Variants in MTUS2 observed in about 807,000 individuals in gnomAD.
The protein encoded by MTUS2 is microtubule associated scaffold protein 2.
MTUS2 carries 40 observed loss-of-function variants against 114.1 expected under a neutral mutation model. The ratio of observed to expected loss-of-function variants is 0.35; its 90% CI spans 0.27 to 0.46. The LOEUF is 0.46. Among genes scored for constraint, MTUS2 ranks in the 20% least tolerant of loss-of-function variants. The pLI, the probability that MTUS2 is intolerant of heterozygous loss-of-function variation, is 1.00. For synonymous variants in MTUS2, 688 were observed against 672.0 expected, an observed-to-expected ratio of 1.02 and a Z score of -0.37; for missense variants, 1,679 against 1,705.4, an observed-to-expected ratio of 0.98 and a Z score of 0.27.
chr13:28,937,084 C>G (rs1003366837), intron 2 of MTUS2, among the ~76,000 whole-genome samples: 1 of 152,068 alleles, frequency 6.6e-6, no homozygotes, highest in Admixed American at 6.6e-5. Flanking sequence ...CAGTGATGCT[C>G]AGAAGGAGGA....
chr13:29,000,008 T>A (rs1885311345), intron 2 of MTUS2, among the ~76,000 whole-genome samples: 1 of 152,256 alleles, frequency 6.6e-6, no homozygotes, highest in African/African-American at 2.4e-5. Context: ...ACATTTTCTG[T>A]ATCCATTTAT....
At chr13:29,267,706 C>G (rs1319128715) in intron 5 of MTUS2, among the ~76,000 whole-genome samples, 1 of 151,968 alleles carries the variant, frequency 6.6e-6, no homozygotes, top group African/African-American at 2.4e-5. Context: ...GTTGATATCA[C>G]GAGATCTAAG....
chr13:29,270,101 A>G (rs1897824497), intron 5 of MTUS2, among the ~76,000 whole-genome samples: 1 of 152,184 alleles, frequency 6.6e-6, no homozygotes, highest in African/African-American at 2.4e-5. Flanking sequence ...AGTTTCATGT[A>G]TGCAGCATGA....
At chr13:28,991,058 A>G (rs1373218042) in intron 2 of MTUS2, among the ~76,000 whole-genome samples, 1 of 151,926 alleles carries the variant, frequency 6.6e-6, no homozygotes, top group Non-Finnish European at 1.5e-5. Context: ...CACTTAGCAG[A>G]GAACTGTCGT....
chr13:29,285,603 C>T (rs189416446), intron 6 of MTUS2, among the ~76,000 whole-genome samples: 2 of 152,232 alleles, frequency 1.3e-5, no homozygotes, highest in African/African-American at 2.4e-5. Context: ...CAGAGAAGCA[C>T]GTTAAAAACA....
chr13:29,278,448 A>G lies in MTUS2; in HGVS notation c.2645-3256A>G, dbSNP rs150615135. On this transcript the variant is annotated intron_variant, in intron 5 of 15. Transcript: ENST00000612955. ...ATTATTTAAAGAAGTAAGGCTAACCACCTCAATTATGGGCAAAAGTTATGA... is the reference window on the plus strand; with the variant it reads ...ATTATTTAAAGAAGTAAGGCTAACCGCCTCAATTATGGGCAAAAGTTATGA... Among the ~76,000 whole-genome samples the G allele has an allele frequency of 1.6e-3, 246 of 152,308 alleles. 1 individual carries two copies. The highest frequency in any genetic ancestry group is 5.8e-3 in the African/African-American group (240 of 41,556).
At chr13:29,014,842 G>A (rs150559500) in intron 2 of MTUS2, among the ~76,000 whole-genome samples, 14 of 152,340 alleles carry the variant, frequency 9.2e-5, no homozygotes, top group African/African-American at 1.2e-4. Context: ...TCGCTGCCAC[G>A]TACAGGGAGA....
At chr13:29,245,539 C>T (rs1896888967) in intron 5 of MTUS2, among the ~76,000 whole-genome samples, 1 of 152,182 alleles carries the variant, frequency 6.6e-6, no homozygotes. Flanking sequence ...CTCCTTCCAT[C>T]CTTATAACTC....
chr13:29,221,418 A>C lies in MTUS2; in HGVS notation c.2645-60286A>C, dbSNP rs574990882. Among the ~76,000 whole-genome samples, 38 of 152,348 alleles carry C rather than the reference A, an allele frequency of 2.5e-4. 1 individual carries two copies. The South Asian group carries it at 6.6e-3, about 27-fold the overall frequency. On this transcript the variant is annotated intron_variant, in intron 5 of 15. Transcript: ENST00000612955. ...TTCCCAGACTTTTTTTGTGCCAACT[A>C]AGCAGTGTAGATGGTATCTTATTGT...
chr13:28,841,635 T>C (rs1875493205), intron 2 of MTUS2, among the ~76,000 whole-genome samples: 1 of 152,122 alleles, frequency 6.6e-6, no homozygotes, highest in African/African-American at 2.4e-5. Flanking sequence ...AGGGGCCTCC[T>C]CTTTGTGGTG....
intron 1 of MTUS2, among the ~76,000 whole-genome samples, chr13:28,825,220 T>C (rs1874184693): frequency 6.6e-6 from 1 of 152,130 alleles, no homozygotes; most frequent in Non-Finnish European, 1.5e-5. Flanking sequence ...AGACCATACC[T>C]GAATAGGAGT....
At chr13:29,117,476 CT>C (rs2138889808) in intron 5 of MTUS2, among the ~76,000 whole-genome samples, 1 of 152,334 alleles carries the variant, frequency 6.6e-6, no homozygotes, top group African/African-American at 2.4e-5. Flanking sequence ...CCCACCCACT[CT>C]CCTTGGTTTT....
rs1052559043 is a variant in MTUS2, at chr13:29,470,170, A to C, written c.3185-9980A>C. On this transcript the variant is annotated intron_variant, in intron 9 of 15. Transcript: ENST00000612955. The stretch of plus-strand genomic sequence containing the variant: ...CTACCCCACCGCACTGGGGGAGTTT[A>C]ATAACTAGAGTCCATCCTGAGGCTC... Among the ~76,000 whole-genome samples, 57 of 152,218 alleles carry C rather than the reference A, an allele frequency of 3.7e-4. 1 individual carries two copies. Among genetic ancestry groups the C allele is most frequent in the Admixed American group, 2.0e-3 (30 of 15,286 alleles).
chr13:29,290,197 T>C (rs1898648341), intron 6 of MTUS2, among the ~76,000 whole-genome samples: 1 of 152,224 alleles, frequency 6.6e-6, no homozygotes, highest in African/African-American at 2.4e-5. Context: ...TATAAACCCA[T>C]AATATTTACT....
At chr13:29,299,865 G>GA (rs145782693) in intron 6 of MTUS2, among the ~76,000 whole-genome samples, 21 of 149,590 alleles carry the variant, frequency 1.4e-4, no homozygotes, top group South Asian at 1.3e-3. Context: ...AAGACAGCAT[G>GA]AAAAAAAAAA....
chr13:29,088,730 C>T (rs1373915117), intron 4 of MTUS2, among the ~76,000 whole-genome samples: 2 of 152,152 alleles, frequency 1.3e-5, no homozygotes, highest in East Asian at 3.9e-4. Flanking sequence ...TATCCTTTCT[C>T]ATAATAGTGG....
At chr13:29,003,130 A>G (rs1024310720) in intron 2 of MTUS2, among the ~76,000 whole-genome samples, 1 of 152,246 alleles carries the variant, frequency 6.6e-6, no homozygotes, top group African/African-American at 2.4e-5. Context: ...TAGAGATTGG[A>G]ATGGATGGGA....
intron 5 of MTUS2, among the ~76,000 whole-genome samples, chr13:29,144,168 A>C (rs1417288507): frequency 6.6e-6 from 1 of 152,206 alleles, no homozygotes; most frequent in Non-Finnish European, 1.5e-5. Flanking sequence ...TGAAACTGCC[A>C]AATAAATAAC....
chr13:29,202,583 G>A (rs1238099636), intron 5 of MTUS2, among the ~76,000 whole-genome samples: 1 of 152,134 alleles, frequency 6.6e-6, no homozygotes, highest in Non-Finnish European at 1.5e-5. Flanking sequence ...GAGGAGAAGA[G>A]GCATTCTGGT....
Sources: gnomAD v4.1 joint callset for allele counts (sites outside exome capture counted in the v4.1 genomes callset) on GRCh38, gnomAD v4.1.1 for gene constraint, MANE v1.5 for transcripts, NCBI Gene and HGNC (gene_info 2026-07-23, HGNC 2026-07-21) for gene names.